The following IPO11 variants were observed in gnomAD, a reference collection of about 807,000 sequenced individuals.
The protein encoded by IPO11 is importin-11.
A neutral mutation model predicts 143.2 loss-of-function variants in IPO11; 66 were observed. The ratio of observed to expected loss-of-function variants is 0.46; its 90% CI spans 0.38 to 0.57. The LOEUF (loss-of-function observed/expected upper bound fraction) is 0.57. Among genes scored for constraint, IPO11 ranks in the 20% least tolerant of loss-of-function variants. The pLI is 0.00. For synonymous variants in IPO11, 385 were observed against 377.8 expected (o/e 1.02, Z -0.22); for missense variants, 1,026 against 1,141.0 (o/e 0.90, Z 1.45).
chr5:62,454,407 G>A (rs1745050776), intron 5 of IPO11, among the ~76,000 whole-genome samples: 1 of 152,122 alleles, frequency 6.6e-6, no homozygotes, highest in South Asian at 2.1e-4. Flanking sequence ...TTGTCTAGAA[G>A]ATTCTTGGTT....
intron 27 of IPO11, among the ~76,000 whole-genome samples, chr5:62,569,366 T>C (rs1323722279): frequency 6.6e-6 from 1 of 152,218 alleles, no homozygotes; most frequent in Non-Finnish European, 1.5e-5. Flanking sequence ...TTTCTTTAGC[T>C]CTTGTGAAGG....
At chr5:62,589,492 A>G (rs796333842) in intron 27 of IPO11, among the ~76,000 whole-genome samples, 7 of 152,248 alleles carry the variant, frequency 4.6e-5, no homozygotes, top group African/African-American at 1.4e-4. Context: ...CCTCCCATTT[A>G]TCTTTCATAG....
At chr5:62,573,566 G>A (rs375324669) in intron 27 of IPO11, among the ~76,000 whole-genome samples, 2 of 152,298 alleles carry the variant, frequency 1.3e-5, no homozygotes, top group Admixed American at 6.5e-5. Flanking sequence ...AGTGGTTATT[G>A]TAGTGAGAAA....
intron 5 of IPO11, among the ~76,000 whole-genome samples, chr5:62,454,396 A>G (rs1167003857): frequency 2.6e-5 from 4 of 152,106 alleles, no homozygotes. Flanking sequence ...CTCAAAATCA[A>G]TTGTCTAGAA....
intron 29 of IPO11, among the ~76,000 whole-genome samples, chr5:62,616,331 T>G (rs1010232387): frequency 1.3e-5 from 2 of 152,228 alleles, no homozygotes; most frequent in African/African-American, 4.8e-5. Flanking sequence ...AAGCACAATC[T>G]CAAATCTTTT....
At chr5:62,418,639 A>C (rs548420536) in intron 1 of IPO11, among the ~76,000 whole-genome samples, 1 of 152,236 alleles carries the variant, frequency 6.6e-6, no homozygotes, top group South Asian at 2.1e-4. Context: ...ACCTCTTTAA[A>C]TAGAGGACAA....
chr5:62,435,150 A>ATATGTATATATATG lies in IPO11; in HGVS notation c.-6-2123_-6-2122insATGTATATATATGT, dbSNP rs1221203328. On this transcript the variant is annotated intron_variant, in intron 1 of 29. Transcript: ENST00000325324. Reference sequence around the variant, plus strand: ...TGTATATATATGTATATATGTATATATGTATATATATGTATATATATGTAT... The same window carrying ATATGTATATATATG: ...TGTATATATATGTATATATGTATATATATGTATATATATGTGTATATATATGTATATATATGTAT... 1.6e-4 allele frequency among the ~76,000 whole-genome samples: 16 copies of ATATGTATATATATG among 98,150 alleles called. 1 individual carries two copies. Among genetic ancestry groups the ATATGTATATATATG allele is most frequent in the African/African-American group, 6.6e-4 (15 of 22,580 alleles). The allele number at this position is 98,150 out of a possible 152,430, so 64.4% of individuals were successfully genotyped here.
intron 15 of IPO11, among the ~76,000 whole-genome samples, chr5:62,493,462 CAT>C (rs1294995870): frequency 6.6e-6 from 1 of 151,990 alleles, no homozygotes; most frequent in Non-Finnish European, 1.5e-5. Flanking sequence ...AGGATTACAA[CAT>C]ATATGCCTAG....
intron 24 of IPO11, among the ~76,000 whole-genome samples, chr5:62,549,926 A>C (rs529537252): frequency 6.6e-6 from 1 of 152,324 alleles, no homozygotes; most frequent in Non-Finnish European, 1.5e-5. Context: ...TTATTGATTA[A>C]CTTAAATGTA....
At chr5:62,573,794 A>G (rs1280734941) in intron 27 of IPO11, among the ~76,000 whole-genome samples, 3 of 152,190 alleles carry the variant, frequency 2.0e-5, no homozygotes, top group Non-Finnish European at 4.4e-5. Context: ...TGCCTGACAT[A>G]GATAGTATTG....
chr5:62,461,511 G>A (rs868369953), intron 5 of IPO11, among the ~76,000 whole-genome samples: 1 of 152,234 alleles, frequency 6.6e-6, no homozygotes, highest in African/African-American at 2.4e-5. Flanking sequence ...GTTTGGTTAA[G>A]GAGAGGCTGT....
chr5:62,515,127 TG>T (rs1216951436), intron 19 of IPO11, among the ~76,000 whole-genome samples: 6 of 152,328 alleles, frequency 3.9e-5, no homozygotes, highest in African/African-American at 1.4e-4. Context: ...ACCTCTAAAG[TG>T]TTTTTTTATA....
intron 12 of IPO11, among the ~76,000 whole-genome samples, chr5:62,486,171 G>C (rs561609136): frequency 1.1e-3 from 169 of 151,800 alleles, no homozygotes; most frequent in African/African-American, 3.8e-3. Flanking sequence ...TAGTAGAGAC[G>C]GGGTTTCATC....
intron 21 of IPO11, 35 bp from the exon 22 acceptor site, chr5:62,530,674 G>A: frequency 7.2e-7 from 1 of 1,393,532 alleles, no homozygotes; most frequent in Non-Finnish European, 1.0e-6. Flanking sequence ...TAATGGGCAT[G>A]GAAAGTGGTT....
At chr5:62,440,400 G>A (rs1291300287) in intron 2 of IPO11, among the ~76,000 whole-genome samples, 2 of 147,166 alleles carry the variant, frequency 1.4e-5, no homozygotes, top group African/African-American at 2.5e-5. Context: ...TGTTGCCCAG[G>A]CTGGAGTGCA....
In IPO11 at chr5:62,420,177, G is replaced by C. The variant is rs182461072; in HGVS notation, c.-7+7248G>C. On this transcript the variant is annotated intron_variant, in intron 1 of 29. Transcript: ENST00000325324. The stretch of plus-strand genomic sequence containing the variant: ...GTGGTGGCACACACCTGTAATCCCA[G>C]CTACTTGGGAGGCTGAGGCAGGAGA... Among the ~76,000 whole-genome samples, 7 of 151,684 alleles carry C rather than the reference G, an allele frequency of 4.6e-5. No homozygotes were observed. In the East Asian group the frequency reaches 1.4e-3, roughly 30 times the overall value.
intron 5 of IPO11, among the ~76,000 whole-genome samples, chr5:62,460,279 T>C (rs940437681): frequency 3.3e-5 from 5 of 152,194 alleles, no homozygotes; most frequent in African/African-American, 1.2e-4. Flanking sequence ...TACAAATCTT[T>C]TAATTTTGAA....
At chr5:62,582,486 ATT>A (rs1744605528) in intron 27 of IPO11, among the ~76,000 whole-genome samples, 1 of 152,300 alleles carries the variant, frequency 6.6e-6, no homozygotes, top group East Asian at 1.9e-4. Context: ...TGAGGTTCTT[ATT>A]AGATCTCCAC....
At chr5:62,581,319 ATTGTC>A in intron 27 of IPO11, 2 of 1,485,250 alleles carry the variant, frequency 1.3e-6, no homozygotes, top group Non-Finnish European at 8.9e-7. Context: ...TCAACTAAAT[ATTGTC>A]TATAAGAAAC....
Sources: allele counts gnomAD v4.1 joint callset (sites outside exome capture counted in the v4.1 genomes callset), GRCh38; gene constraint gnomAD v4.1.1; transcripts MANE v1.5; gene names NCBI Gene and HGNC (gene_info 2026-07-23, HGNC 2026-07-21).